Variants in SULF1 observed in about 807,000 individuals in gnomAD.
SULF1 encodes the protein extracellular sulfatase Sulf-1.
Under a neutral mutation model 110.5 loss-of-function variants are expected in SULF1, and 46 were observed. That is an observed-to-expected ratio of 0.42 (90% CI 0.33 to 0.53). SULF1 has a LOEUF of 0.53. Among genes scored for constraint, SULF1 ranks in the 20% least tolerant of loss-of-function variants. The probability of loss-of-function intolerance (pLI) is 0.12; values close to 1 mark genes in which losing one functional copy is unlikely to be tolerated. For synonymous variants in SULF1, 371 were observed against 387.1 expected (o/e 0.96, Z 0.49); for missense variants, 941 against 1,094.2 (o/e 0.86, Z 1.98).
At chr8:69,577,141 G>A (rs947913599) in intron 6 of SULF1, among the ~76,000 whole-genome samples, 1 of 152,158 alleles carries the variant, frequency 6.6e-6, no homozygotes, top group Non-Finnish European at 1.5e-5. Context: ...TCAAAGTCTC[G>A]ACTCGAAGCA....
chr8:69,653,896 C>T (rs2130743411), intron 22 of SULF1, among the ~76,000 whole-genome samples: 1 of 152,328 alleles, frequency 6.6e-6, no homozygotes, highest in South Asian at 2.1e-4. Flanking sequence ...GTCCCCTGGC[C>T]ATGAACCCCG....
rs368157062 is a variant in SULF1 at position 69,593,492 on chromosome 8, C to G, written c.734+4351C>G. On this transcript the variant is annotated intron_variant, in intron 8 of 22. Transcript: ENST00000402687. ...CAGGCATCATCTGGATCACTTTCAT[C>G]TGGCATCGGGTTATAACTACCTGAC... Among the ~76,000 whole-genome samples, 12 of 152,338 alleles carry G rather than the reference C, an allele frequency of 7.9e-5. No homozygotes were observed. The East Asian group carries it at 1.7e-3, about 22-fold the overall frequency.
At chr8:69,480,770 G>C (rs1261920846) in intron 1 of SULF1, among the ~76,000 whole-genome samples, 1 of 151,632 alleles carries the variant, frequency 6.6e-6, no homozygotes, top group Non-Finnish European at 1.5e-5. Context: ...TCCTAAGTAT[G>C]ATTCTGACTT....
At chr8:69,560,520 C>T (rs938587152) in intron 3 of SULF1, among the ~76,000 whole-genome samples, 3 of 152,184 alleles carry the variant, frequency 2.0e-5, no homozygotes, top group Non-Finnish European at 2.9e-5. Context: ...CTGGTCTTGA[C>T]TGGTGAAGAA....
chr8:69,602,120 G>A (rs532009207), intron 10 of SULF1, among the ~76,000 whole-genome samples: 3 of 151,720 alleles, frequency 2.0e-5, no homozygotes, highest in Admixed American at 6.6e-5. Flanking sequence ...TGATCTTCTG[G>A]GATATCACCC....
At chr8:69,504,090 G>A (rs1270322197) in intron 3 of SULF1, among the ~76,000 whole-genome samples, 3 of 152,034 alleles carry the variant, frequency 2.0e-5, no homozygotes, top group Non-Finnish European at 2.9e-5. Flanking sequence ...GAGCCACTGC[G>A]CCCATGAAAA....
chr8:69,577,392 C>T (rs567377779), intron 6 of SULF1, among the ~76,000 whole-genome samples: 3 of 152,294 alleles, frequency 2.0e-5, no homozygotes, highest in African/African-American at 2.4e-5. Context: ...TCAAATATTG[C>T]GTGACCAGCT....
chr8:69,475,794 A>G (rs1310717849), intron 1 of SULF1, among the ~76,000 whole-genome samples: 1 of 152,220 alleles, frequency 6.6e-6, no homozygotes, highest in African/African-American at 2.4e-5. Flanking sequence ...TCAATGTTTA[A>G]TAATATAATT....
intron 3 of SULF1, among the ~76,000 whole-genome samples, chr8:69,518,433 T>C (rs1812079994): frequency 6.6e-6 from 1 of 152,246 alleles, no homozygotes. Flanking sequence ...TTCACATGTC[T>C]AGTAATACTT....
intron 19 of SULF1, among the ~76,000 whole-genome samples, chr8:69,631,818 G>A (rs544785065): frequency 6.6e-5 from 10 of 152,306 alleles, no homozygotes; most frequent in South Asian, 4.1e-4. Flanking sequence ...GTCACTGCTC[G>A]TGGACACCCT....
chr8:69,480,885 T>G (rs1809489698), intron 1 of SULF1, among the ~76,000 whole-genome samples: 1 of 119,716 alleles, frequency 8.4e-6, no homozygotes, highest in East Asian at 2.8e-4. Flanking sequence ...CTGGGGACTG[T>G]TGTGGGATGG....
chr8:69,590,553 G>A (rs1806820946), intron 8 of SULF1, among the ~76,000 whole-genome samples: 1 of 152,218 alleles, frequency 6.6e-6, no homozygotes, highest in South Asian at 2.1e-4. Context: ...ATGATATCAT[G>A]TGACTTAGAC....
At chr8:69,517,903 G>GAA (rs1264507032) in intron 3 of SULF1, among the ~76,000 whole-genome samples, 1 of 152,168 alleles carries the variant, frequency 6.6e-6, no homozygotes, top group Non-Finnish European at 1.5e-5. Flanking sequence ...GCAGAAGGAA[G>GAA]AAAAATAATA....
chr8:69,468,165 A>G (rs1586180007), intron 1 of SULF1, among the ~76,000 whole-genome samples: 1 of 152,170 alleles, frequency 6.6e-6, no homozygotes, highest in Admixed American at 6.5e-5. Flanking sequence ...TCTGGCTCCT[A>G]CTGGACTTTC....
chr8:69,510,866 C>A (rs971919156), intron 3 of SULF1, among the ~76,000 whole-genome samples: 23 of 151,924 alleles, frequency 1.5e-4, no homozygotes, highest in African/African-American at 5.6e-4. Flanking sequence ...ATCCACCCAC[C>A]TCAGACTCCC....
intron 3 of SULF1, among the ~76,000 whole-genome samples, chr8:69,520,860 C>T (rs1004045010): frequency 2.0e-5 from 3 of 152,184 alleles, no homozygotes; most frequent in Non-Finnish European, 4.4e-5. Context: ...GATGAACCTG[C>T]TCTGAGTTTT....
At chr8:69,510,190 A>T (rs564139415) in intron 3 of SULF1, among the ~76,000 whole-genome samples, 34 of 152,300 alleles carry the variant, frequency 2.2e-4, no homozygotes, top group African/African-American at 7.7e-4. Context: ...CTACCTTAGG[A>T]AGCCTTTGGG....
intron 13 of SULF1, among the ~76,000 whole-genome samples, chr8:69,610,143 C>A (rs1808530354): frequency 6.6e-6 from 1 of 152,128 alleles, no homozygotes; most frequent in African/African-American, 2.4e-5. Flanking sequence ...TTTAGTTTGC[C>A]TTTCTACTAT....
chr8:69,473,876 T>A (rs1022897859), intron 1 of SULF1, among the ~76,000 whole-genome samples: 1 of 152,220 alleles, frequency 6.6e-6, no homozygotes, highest in Admixed American at 6.5e-5. Context: ...TCCTATGATC[T>A]TTCCAATCAG....
Sources: gnomAD v4.1 joint callset for allele counts (sites outside exome capture counted in the v4.1 genomes callset) on GRCh38, gnomAD v4.1.1 for gene constraint, MANE v1.5 for transcripts, NCBI Gene and HGNC (gene_info 2026-07-23, HGNC 2026-07-21) for gene names.